Variants in PCSK2 observed in about 807,000 individuals in gnomAD.
PCSK2 encodes the protein proprotein convertase subtilisin/kexin type 2, also known as neuroendocrine convertase 2.
A neutral mutation model predicts 69.7 loss-of-function variants in PCSK2; 14 were observed. The ratio of observed to expected loss-of-function variants is 0.20; its 90% CI spans 0.13 to 0.31. The LOEUF is 0.31. Among genes scored for constraint, PCSK2 ranks in the 10% least tolerant of loss-of-function variants. The pLI is 1.00. For missense variants in PCSK2, 544 were observed against 842.5 expected, an observed-to-expected ratio of 0.65 and a Z score of 4.39; for synonymous variants, 307 against 320.7, an observed-to-expected ratio of 0.96 and a Z score of 0.46.
chr20:17,441,324 G>A (rs1213334019), intron 8 of PCSK2, among the ~76,000 whole-genome samples: 1 of 152,200 alleles, frequency 6.6e-6, no homozygotes, highest in Non-Finnish European at 1.5e-5. Context: ...CCAGTCAGAT[G>A]GTTTCTAATA....
intron 8 of PCSK2, among the ~76,000 whole-genome samples, chr20:17,446,815 A>C (rs573568450): frequency 6.6e-6 from 1 of 152,372 alleles, no homozygotes; most frequent in African/African-American, 2.4e-5. Flanking sequence ...TAACAGATTA[A>C]AGTAATATAA....
intron 2 of PCSK2, among the ~76,000 whole-genome samples, chr20:17,322,895 ACT>A (rs1989917380): frequency 6.6e-6 from 1 of 151,858 alleles, no homozygotes; most frequent in South Asian, 2.1e-4. Flanking sequence ...GATGGAGTTC[ACT>A]CTGTCACCCA....
chr20:17,303,411 T>C (rs552450933), intron 2 of PCSK2, among the ~76,000 whole-genome samples: 175 of 110,920 alleles, frequency 1.6e-3, no homozygotes, highest in African/African-American at 5.9e-3. Flanking sequence ...GTAATATATA[T>C]GTATGGTTAT....
At position 17,409,204 on chromosome 20, in the gene PCSK2, C is replaced by T. The variant is rs569779722; in HGVS notation, c.544-59C>T. The T allele has an allele frequency of 1.6e-5, 21 of 1,320,656 alleles. No homozygotes were observed. In the African/African-American group the frequency reaches 2.6e-4, roughly 16 times the overall value. 81.8% of individuals were successfully genotyped at this position (1,320,656 alleles called of 1,614,324 possible). A position where few individuals can be genotyped will look rare whatever the true frequency, so the allele number is the denominator to read the frequency against. On this transcript the variant is annotated intron_variant, in intron 5 of 11. Transcript: ENST00000262545. ...TAGAAATGTTTAAAGTCTCCCAGCG[C>T]TTTCCCTTTACTGCGCCTCTGGCTG...
At chr20:17,344,953 C>G (rs903067767) in intron 2 of PCSK2, among the ~76,000 whole-genome samples, 2 of 22,582 alleles carry the variant, frequency 8.9e-5, no homozygotes, top group African/African-American at 2.4e-4. Context: ...GTTCCTTCCT[C>G]GAACAATCTC....
intron 4 of PCSK2, among the ~76,000 whole-genome samples, chr20:17,361,823 C>G (rs2030406779): frequency 1.3e-5 from 2 of 152,136 alleles, no homozygotes; most frequent in African/African-American, 4.8e-5. Flanking sequence ...AAGAAAGGAG[C>G]CCTGCATGAG....
chr20:17,465,090 A>C lies in PCSK2; in HGVS notation c.1203-236A>C, dbSNP rs558118431. ...CATTCCGGTGTGTGTGTTAGAATAG[A>C]CTTTTGAAATCAATTTATGTAAGTA... On this transcript the variant is annotated intron_variant, in intron 10 of 11. Coordinates refer to ENST00000262545, the MANE Select transcript of PCSK2 (RefSeq NM_002594.5). The C allele has an allele frequency of 1.8e-5, 10 of 557,460 alleles. No individual in the cohort carries two copies. In the South Asian group the frequency reaches 2.2e-4, roughly 12 times the overall value. 34.5% of individuals were successfully genotyped at this position (557,460 alleles called of 1,614,324 possible). A position where few individuals can be genotyped will look rare whatever the true frequency, so the allele number is the denominator to read the frequency against.
chr20:17,437,997 A>G (rs6136091), intron 8 of PCSK2, among the ~76,000 whole-genome samples: 1 of 142,258 alleles, frequency 7.0e-6, no homozygotes, highest in Admixed American at 6.8e-5. Context: ...CCCCCCACCC[A>G]CACCGTGCTC....
intron 1 of PCSK2, among the ~76,000 whole-genome samples, chr20:17,257,092 C>A (rs146304464): frequency 2.0e-5 from 3 of 151,962 alleles, no homozygotes; most frequent in African/African-American, 7.2e-5. Context: ...GAAAAAAAAC[C>A]CATCAAGGAG....
chr20:17,465,761 T>C (rs920944322), intron 11 of PCSK2, among the ~76,000 whole-genome samples: 2 of 152,166 alleles, frequency 1.3e-5, no homozygotes, highest in African/African-American at 4.8e-5. Flanking sequence ...CTTGAACTTC[T>C]GGTCTCAATA....
intron 2 of PCSK2, among the ~76,000 whole-genome samples, chr20:17,340,650 T>C (rs574447475): frequency 6.6e-6 from 1 of 152,368 alleles, no homozygotes; most frequent in Admixed American, 6.5e-5. Context: ...ACAATCTTGA[T>C]GTACATCCTA....
rs2030802679 is a variant in PCSK2 at position 17,372,595 on chromosome 20, T to C, written c.543+3318T>C. On this transcript the variant is annotated intron_variant, in intron 5 of 11. Coordinates refer to ENST00000262545, the MANE Select transcript of PCSK2 (RefSeq NM_002594.5). ...AGAATTGAACAGAAAATGTGATTTC[T>C]GTGCAAAACTGCGCATCTTGATAAC... Among the ~76,000 whole-genome samples the C allele has an allele frequency of 2.0e-5, 3 of 152,204 alleles. No individual in the cohort carries two copies. In the South Asian group the frequency reaches 6.2e-4, roughly 31 times the overall value.
At chr20:17,272,086 A>G (rs1987892422) in intron 2 of PCSK2, among the ~76,000 whole-genome samples, 1 of 152,154 alleles carries the variant, frequency 6.6e-6, no homozygotes, top group Admixed American at 6.6e-5. Flanking sequence ...AACCCTTCAA[A>G]CATTTGAAAA....
In PCSK2 at chr20:17,358,314, A is replaced by G. The variant is rs113146458; in HGVS notation, c.283-13A>G. On this transcript the variant is annotated splice_polypyrimidine_tract_variant and intron_variant, in intron 2 of 11. Transcript: ENST00000262545. ...GATTATATTCAGGTAATATGTCAGC[A>G]TTGTCATTCCAGGTAAAGATGGCTT... is the stretch of plus-strand genomic sequence containing the variant. The G allele has an allele frequency of 2.7e-6, 4 of 1,461,170 alleles. No homozygotes were observed. The highest frequency in any genetic ancestry group is 3.8e-6 in the Non-Finnish European group (4 of 1,040,660). 90.5% of individuals were successfully genotyped at this position (1,461,170 alleles called of 1,614,324 possible).
intron 1 of PCSK2, among the ~76,000 whole-genome samples, chr20:17,254,946 T>A (rs1453719210): frequency 1.3e-5 from 2 of 152,238 alleles, no homozygotes; most frequent in Non-Finnish European, 2.9e-5. Context: ...AATTGACTTA[T>A]ATTCTTAACT....
chr20:17,327,212 G>A (rs951855135), intron 2 of PCSK2, among the ~76,000 whole-genome samples: 4 of 152,274 alleles, frequency 2.6e-5, no homozygotes, highest in Admixed American at 2.6e-4. Context: ...AAGGTATCCT[G>A]AGACCACGAA....
chr20:17,342,707 C>T (rs1017251324), intron 2 of PCSK2, among the ~76,000 whole-genome samples: 1 of 151,812 alleles, frequency 6.6e-6, no homozygotes, highest in South Asian at 2.1e-4. Flanking sequence ...GATCATGGCT[C>T]ACTGCAACCT....
At chr20:17,477,215 T>A (rs886796385) in intron 11 of PCSK2, among the ~76,000 whole-genome samples, 2 of 152,224 alleles carry the variant, frequency 1.3e-5, no homozygotes, top group African/African-American at 4.8e-5. Context: ...GATGTGTGTT[T>A]AAAAATATTT....
At chr20:17,310,350 A>T (rs1989466639) in intron 2 of PCSK2, among the ~76,000 whole-genome samples, 1 of 152,170 alleles carries the variant, frequency 6.6e-6, no homozygotes, top group Non-Finnish European at 1.5e-5. Flanking sequence ...ACGAGGTTAA[A>T]AAACATTGAT....
Sources: gnomAD v4.1 joint callset for allele counts (sites outside exome capture counted in the v4.1 genomes callset) on GRCh38, gnomAD v4.1.1 for gene constraint, MANE v1.5 for transcripts, NCBI Gene and HGNC (gene_info 2026-07-23, HGNC 2026-07-21) for gene names.